Variants in CTNNA3 observed in about 807,000 individuals in gnomAD.
CTNNA3 encodes catenin alpha-3.
Under a neutral mutation model 95.7 loss-of-function variants are expected in CTNNA3, and 76 were observed. The observed-to-expected ratio is 0.79, with a 90% CI of 0.66 to 0.96. The LOEUF (loss-of-function observed/expected upper bound fraction) is 0.96, where lower values mean the gene tolerates loss of function less well. CTNNA3 is among the 40% of genes least tolerant of loss of function. The probability of loss-of-function intolerance (pLI) is 0.00; values close to 1 mark genes in which losing one functional copy is unlikely to be tolerated. For synonymous variants in CTNNA3, 431 were observed against 374.4 expected, an observed-to-expected ratio of 1.15 and a Z score of -1.74; for missense variants, 1,191 against 1,089.8, an observed-to-expected ratio of 1.09 and a Z score of -1.31.
intron 13 of CTNNA3, among the ~76,000 whole-genome samples, chr10:66,141,358 A>G (rs1287698557): frequency 6.6e-6 from 1 of 152,134 alleles, no homozygotes; most frequent in African/African-American, 2.4e-5. Flanking sequence ...TAATATTTAA[A>G]ATTTCAAGAA....
intron 9 of CTNNA3, among the ~76,000 whole-genome samples, chr10:66,658,880 G>A (rs1201615968): frequency 2.0e-5 from 3 of 152,108 alleles, no homozygotes; most frequent in Non-Finnish European, 4.4e-5. Flanking sequence ...TTTTAGTAGA[G>A]ACAGGGTTTT....
chr10:66,246,037 C>T (rs929274510), intron 13 of CTNNA3, among the ~76,000 whole-genome samples: 1 of 152,200 alleles, frequency 6.6e-6, no homozygotes, highest in Non-Finnish European at 1.5e-5. Flanking sequence ...AGCCCAGGCC[C>T]CAGCTTTCAG....
chr10:66,310,683 T>C (rs2092005891), intron 12 of CTNNA3, among the ~76,000 whole-genome samples: 1 of 143,624 alleles, frequency 7.0e-6, no homozygotes, highest in East Asian at 2.1e-4. Context: ...TGTTTATACA[T>C]AACTTTTTTT....
intron 7 of CTNNA3, among the ~76,000 whole-genome samples, chr10:66,787,288 G>A (rs1840786523): frequency 6.6e-6 from 1 of 151,458 alleles, no homozygotes; most frequent in African/African-American, 2.4e-5. Flanking sequence ...TGTTACTATT[G>A]GTGGTGTTCA....
chr10:67,164,086 T>G (rs1235101955), intron 7 of CTNNA3, among the ~76,000 whole-genome samples: 4 of 119,306 alleles, frequency 3.4e-5, no homozygotes, highest in Admixed American at 1.4e-4. Context: ...TTATAAAACC[T>G]AAGAAAAAAA....
At chr10:66,817,876 A>G (rs939879896) in intron 7 of CTNNA3, among the ~76,000 whole-genome samples, 11 of 152,078 alleles carry the variant, frequency 7.2e-5, no homozygotes, top group Non-Finnish European at 1.6e-4. Flanking sequence ...TTAAAATATA[A>G]GTACAAAAAC....
intron 2 of CTNNA3, among the ~76,000 whole-genome samples, chr10:67,641,320 C>A (rs936302269): frequency 6.6e-6 from 1 of 152,068 alleles, no homozygotes; most frequent in Non-Finnish European, 1.5e-5. Context: ...CCATCTCACA[C>A]CAGTTAGAAT....
At chr10:66,753,676 AAT>A (rs66542553) in intron 9 of CTNNA3, among the ~76,000 whole-genome samples, 5 of 150,468 alleles carry the variant, frequency 3.3e-5, no homozygotes, top group Non-Finnish European at 1.5e-5. Flanking sequence ...AAAAAAAGAA[AAT>A]ATATATATAT....
chr10:67,246,469 C>T lies in CTNNA3; in HGVS notation c.580-26599G>A, dbSNP rs188884233. Among the ~76,000 whole-genome samples, 12 of 152,140 alleles carry T rather than the reference C, an allele frequency of 7.9e-5. No individual in the cohort carries two copies. In the East Asian group the frequency reaches 2.1e-3, roughly 27 times the overall value. ...GTTTGCCTCTAATGCAGAAATAAACCATTCAAAAATTCATTCCATATAGCA... is the reference window on the plus strand; with the variant it reads ...GTTTGCCTCTAATGCAGAAATAAACTATTCAAAAATTCATTCCATATAGCA... On this transcript the variant is annotated intron_variant, in intron 5 of 17. Transcript: ENST00000433211.
At chr10:67,058,651 GT>G (rs149071647) in intron 7 of CTNNA3, among the ~76,000 whole-genome samples, 3,152 of 152,144 alleles carry the variant, frequency 0.021, 87 homozygotes, top group African/African-American at 0.071. Context: ...CTTTCTACAA[GT>G]TTAGGGAACA....
chr10:65,954,350 G>T (rs542371445), intron 17 of CTNNA3, among the ~76,000 whole-genome samples: 3 of 152,184 alleles, frequency 2.0e-5, no homozygotes, highest in Non-Finnish European at 4.4e-5. Context: ...TGCTCACTCT[G>T]ATGGTAGTTT....
intron 13 of CTNNA3, among the ~76,000 whole-genome samples, chr10:66,178,415 A>G (rs112454678): frequency 0.072 from 3,677 of 51,278 alleles, 66 homozygotes; most frequent in African/African-American, 0.096. Flanking sequence ...ATATATATAT[A>G]TATATATATA....
At chr10:66,652,028 G>A (rs1845924971) in intron 9 of CTNNA3, among the ~76,000 whole-genome samples, 1 of 145,482 alleles carries the variant, frequency 6.9e-6, no homozygotes, top group Admixed American at 7.1e-5. Flanking sequence ...TAAGATAGAA[G>A]TTTATAGCAA....
chr10:66,927,435 T>G lies in CTNNA3; in HGVS notation c.1048-151911A>C. 1 of 1,614,174 alleles carries G rather than the reference T, an allele frequency of 6.2e-7. No individual in the cohort carries two copies. On this transcript the variant is annotated intron_variant, in intron 7 of 17. Coordinates refer to ENST00000433211, the MANE Select transcript of CTNNA3 (RefSeq NM_013266.4). The surrounding 1 kb of genome is among the most constrained non-coding windows in gnomAD (Gnocchi z 4.7). ...GGTCTAACTCCCTGAGAACCATCCC[T>G]GTGCGAATATTCCAAGACTGCCGCA...
intron 7 of CTNNA3, among the ~76,000 whole-genome samples, chr10:66,809,630 T>C (rs1371390218): frequency 6.6e-6 from 1 of 152,176 alleles, no homozygotes; most frequent in Admixed American, 6.5e-5. Flanking sequence ...CTGAATGATA[T>C]AGAATAGTCA....
At chr10:66,086,472 C>T (rs1196506398) in intron 14 of CTNNA3, among the ~76,000 whole-genome samples, 1 of 151,974 alleles carries the variant, frequency 6.6e-6, no homozygotes, top group African/African-American at 2.4e-5. Context: ...TAAGCATGGG[C>T]TTTCATGGGC....
rs554266359 is a variant in CTNNA3 at position 66,926,724 on chromosome 10, G to T, written c.1048-151200C>A. The T allele has an allele frequency of 1.3e-4, 141 of 1,109,996 alleles. No individual in the cohort carries two copies. In the South Asian group the frequency reaches 2.1e-3, roughly 17 times the overall value. 68.8% of individuals were successfully genotyped at this position (1,109,996 alleles called of 1,614,324 possible). On this transcript the variant is annotated intron_variant, in intron 7 of 17. Transcript: ENST00000433211. Reference sequence around the variant, plus strand: ...AGACTATGAATTTATTTGCTTAGTGGCATGTTTCCTTGTTTAACTATTTAA... The same window carrying T: ...AGACTATGAATTTATTTGCTTAGTGTCATGTTTCCTTGTTTAACTATTTAA...
intron 3 of CTNNA3, among the ~76,000 whole-genome samples, chr10:67,560,214 A>G (rs982040000): frequency 6.6e-6 from 1 of 152,134 alleles, no homozygotes; most frequent in Non-Finnish European, 1.5e-5. Flanking sequence ...AATGAAGGAA[A>G]AAACGGTAAG....
At chr10:67,382,706 G>C (rs1420554553) in intron 5 of CTNNA3, among the ~76,000 whole-genome samples, 1 of 152,118 alleles carries the variant, frequency 6.6e-6, no homozygotes, top group East Asian at 1.9e-4. Flanking sequence ...ATAAAGAAAA[G>C]AGGTTTATTT....
Sources: gnomAD v4.1 joint callset for allele counts (sites outside exome capture counted in the v4.1 genomes callset) on GRCh38, gnomAD v4.1.1 for gene constraint, Gnocchi (gnomAD v3.1) non-coding constraint, MANE v1.5 for transcripts, NCBI Gene and HGNC (gene_info 2026-07-23, HGNC 2026-07-21) for gene names.